Variants in ZNF521 observed in about 807,000 individuals in gnomAD.
ZNF521 encodes zinc finger protein 521, also known as LYST-interacting protein 3.
Under a neutral mutation model 105.5 loss-of-function variants are expected in ZNF521, and 14 were observed. The observed-to-expected ratio is 0.13, with a 90% CI of 0.09 to 0.21. The LOEUF is 0.21. ZNF521 is among the 10% of genes least tolerant of loss of function. The pLI is 1.00. For missense variants in ZNF521, 1,233 were observed against 1,629.7 expected (o/e 0.76, Z 4.19); for synonymous variants, 635 against 606.0 (o/e 1.05, Z -0.70).
intron 3 of ZNF521, among the ~76,000 whole-genome samples, chr18:25,261,203 C>G (rs1908883824): frequency 6.6e-6 from 1 of 152,162 alleles, no homozygotes. Flanking sequence ...AACAGAGACT[C>G]TGGGGGCAAG....
chr18:25,323,704 C>A (rs12968245), intron 2 of ZNF521, among the ~76,000 whole-genome samples: 2 of 152,152 alleles, frequency 1.3e-5, no homozygotes, highest in Admixed American at 6.5e-5. Flanking sequence ...AACGCCACAC[C>A]AATATCCTGC....
At chr18:25,348,438 C>T (rs1052779102) in intron 2 of ZNF521, among the ~76,000 whole-genome samples, 1 of 152,126 alleles carries the variant, frequency 6.6e-6, no homozygotes, top group African/African-American at 2.4e-5. Flanking sequence ...TGGTATAGCT[C>T]ATCTACATAT....
intron 3 of ZNF521, among the ~76,000 whole-genome samples, chr18:25,235,535 C>T (rs1906830103): frequency 6.6e-6 from 1 of 152,186 alleles, no homozygotes. Context: ...AAATCAAATT[C>T]TATTTCAAAG....
At chr18:25,212,387 G>T (rs1162146503) in intron 4 of ZNF521, among the ~76,000 whole-genome samples, 2 of 149,988 alleles carry the variant, frequency 1.3e-5, no homozygotes, top group Non-Finnish European at 3.0e-5. Context: ...GCGCACACCT[G>T]TAGTCTCAGC....
At chr18:25,147,365 C>A (rs2144468404) in intron 5 of ZNF521, among the ~76,000 whole-genome samples, 1 of 152,190 alleles carries the variant, frequency 6.6e-6, no homozygotes, top group South Asian at 2.1e-4. Context: ...ATGAATCAAT[C>A]ACCATCTTGC....
At chr18:25,223,516 G>A (rs530268368) in intron 4 of ZNF521, among the ~76,000 whole-genome samples, 1 of 152,052 alleles carries the variant, frequency 6.6e-6, no homozygotes, top group African/African-American at 2.4e-5. Context: ...GGCAGGTAGG[G>A]AAGTGGAAAG....
At chr18:25,135,775 A>G (rs2144412259) in intron 5 of ZNF521, among the ~76,000 whole-genome samples, 1 of 152,074 alleles carries the variant, frequency 6.6e-6, no homozygotes, top group African/African-American at 2.4e-5. Flanking sequence ...GTTTCTTAGG[A>G]GAGTTATTAA....
chr18:25,308,717 A>T (rs1308551156), intron 3 of ZNF521, among the ~76,000 whole-genome samples: 5 of 134,960 alleles, frequency 3.7e-5, no homozygotes, highest in Non-Finnish European at 7.6e-5. Flanking sequence ...TGGAACCTCT[A>T]TTCCAGTGAT....
Position 25,194,026 on chromosome 18 carries a change from T to C in ZNF521, c.3658+1134A>G, listed in dbSNP as rs867301480. 3.1e-4 allele frequency among the ~76,000 whole-genome samples: 47 copies of C among 151,772 alleles called. 1 individual carries two copies. Among genetic ancestry groups the C allele is most frequent in the African/African-American group, 9.9e-4 (41 of 41,382 alleles). ...TCTTCATTAATTTATATAAGAAAAATTGAAGTTTTGTTATAGCTTTAATGA... is the reference window on the plus strand; with the variant it reads ...TCTTCATTAATTTATATAAGAAAAACTGAAGTTTTGTTATAGCTTTAATGA... On this transcript the variant is annotated intron_variant, in intron 5 of 7. Transcript: ENST00000361524.
chr18:25,275,678 G>A (rs1430364507), intron 3 of ZNF521, among the ~76,000 whole-genome samples: 2 of 152,214 alleles, frequency 1.3e-5, no homozygotes, highest in African/African-American at 4.8e-5. Flanking sequence ...CCAAGGTTTA[G>A]TGTTCTGCAC....
At chr18:25,241,310 A>G (rs1176303107) in intron 3 of ZNF521, among the ~76,000 whole-genome samples, 2 of 152,208 alleles carry the variant, frequency 1.3e-5, no homozygotes, top group Non-Finnish European at 2.9e-5. Context: ...GCCACTTATC[A>G]GAATTGTATT....
At chr18:25,296,732 A>G (rs1911338883) in intron 3 of ZNF521, among the ~76,000 whole-genome samples, 2 of 152,144 alleles carry the variant, frequency 1.3e-5, no homozygotes, top group African/African-American at 4.8e-5. Flanking sequence ...TTCCTGGAAA[A>G]TGGTGAGCTC....
intron 4 of ZNF521, among the ~76,000 whole-genome samples, chr18:25,199,657 G>C (rs1320992529): frequency 6.6e-6 from 1 of 151,966 alleles, no homozygotes; most frequent in Non-Finnish European, 1.5e-5. Context: ...AAATCTAGGT[G>C]TATACATGAA....
At chr18:25,339,967 C>T (rs1914104423) in intron 2 of ZNF521, among the ~76,000 whole-genome samples, 2 of 152,168 alleles carry the variant, frequency 1.3e-5, no homozygotes, top group African/African-American at 4.8e-5. Flanking sequence ...AGGTTTGGGA[C>T]ATGCTGCTGC....
At chr18:25,117,090 C>CACACACACACACAA (rs56408075) in intron 5 of ZNF521, among the ~76,000 whole-genome samples, 5 of 143,000 alleles carry the variant, frequency 3.5e-5, no homozygotes, top group Admixed American at 7.0e-5. Context: ...CACATACACA[C>CACACACACACACAA]ATCCTTAATT....
chr18:25,123,147 T>A (rs2034476549), intron 5 of ZNF521, among the ~76,000 whole-genome samples: 1 of 151,686 alleles, frequency 6.6e-6, no homozygotes, highest in Non-Finnish European at 1.5e-5. Context: ...ACTCATTATA[T>A]GAGTCATTTG....
chr18:25,212,838 G>T (rs558086757), intron 4 of ZNF521, among the ~76,000 whole-genome samples: 1 of 150,888 alleles, frequency 6.6e-6, no homozygotes, highest in South Asian at 2.1e-4. Flanking sequence ...TTTAAAATGT[G>T]TATTTTCTGG....
intron 3 of ZNF521, among the ~76,000 whole-genome samples, chr18:25,280,422 A>G (rs1006160461): frequency 2.5e-5 from 3 of 119,634 alleles, no homozygotes; most frequent in African/African-American, 7.3e-5. Context: ...GTAAAAAATT[A>G]AAAAAAAAAA....
At chr18:25,282,499 C>G (rs926296963) in intron 3 of ZNF521, among the ~76,000 whole-genome samples, 1 of 152,022 alleles carries the variant, frequency 6.6e-6, no homozygotes, top group East Asian at 1.9e-4. Context: ...GTCTGCAGAG[C>G]GGCACTCCAT....
Sources: allele counts gnomAD v4.1 joint callset (sites outside exome capture counted in the v4.1 genomes callset), GRCh38; gene constraint gnomAD v4.1.1; transcripts MANE v1.5; gene names NCBI Gene and HGNC (gene_info 2026-07-23, HGNC 2026-07-21).